Variants in ASTN2 observed in about 807,000 individuals in gnomAD.
ASTN2 encodes the protein astrotactin-2.
ASTN2 carries 54 observed loss-of-function variants against 139.8 expected under a neutral mutation model. That is an observed-to-expected ratio of 0.39 (90% CI 0.31 to 0.48). ASTN2 has a LOEUF of 0.48. Among genes scored for constraint, ASTN2 ranks in the 20% least tolerant of loss-of-function variants. The probability of loss-of-function intolerance (pLI) is 0.95; values close to 1 mark genes in which losing one functional copy is unlikely to be tolerated. For missense variants in ASTN2, 1,565 were observed against 1,725.1 expected, an observed-to-expected ratio of 0.91 and a Z score of 1.64; for synonymous variants, 756 against 719.5, an observed-to-expected ratio of 1.05 and a Z score of -0.81.
chr9:116,757,402 C>T (rs1829561457), intron 13 of ASTN2, among the ~76,000 whole-genome samples: 1 of 152,122 alleles, frequency 6.6e-6, no homozygotes, highest in Non-Finnish European at 1.5e-5. Context: ...TCACGGTGGG[C>T]ATGGGTGTCA....
chr9:117,012,328 A>G (rs1837560465), intron 6 of ASTN2, among the ~76,000 whole-genome samples: 1 of 152,158 alleles, frequency 6.6e-6, no homozygotes, highest in African/African-American at 2.4e-5. Flanking sequence ...CATGATGCAT[A>G]TGGCAAAAGT....
chr9:116,542,321 CAT>C (rs2119356368), intron 19 of ASTN2, among the ~76,000 whole-genome samples: 1 of 152,170 alleles, frequency 6.6e-6, no homozygotes, highest in South Asian at 2.1e-4. Context: ...AAAAAGGTAA[CAT>C]AAACTTTTAG....
chr9:117,307,848 C>T (rs188715644), intron 1 of ASTN2, among the ~76,000 whole-genome samples: 381 of 152,290 alleles, frequency 2.5e-3, no homozygotes, highest in Admixed American at 7.0e-3. Context: ...CTAGAGGCCA[C>T]GTTTTGCACT....
intron 20 of ASTN2, among the ~76,000 whole-genome samples, chr9:116,481,683 C>T (rs1392889409): frequency 6.6e-6 from 1 of 152,146 alleles, no homozygotes; most frequent in Non-Finnish European, 1.5e-5. Flanking sequence ...GACAAATTAT[C>T]TCCATTTTAT....
At chr9:116,687,238 A>G in intron 16 of ASTN2, 7 of 998,988 alleles carry the variant, frequency 7.0e-6, no homozygotes, top group Non-Finnish European at 8.4e-6. Context: ...GACAAGCCCC[A>G]GCATGCTGGG....
chr9:117,119,011 A>T (rs1829474941), intron 4 of ASTN2, among the ~76,000 whole-genome samples: 1 of 152,248 alleles, frequency 6.6e-6, no homozygotes, highest in African/African-American at 2.4e-5. Flanking sequence ...ACAGAAGAAT[A>T]GAACCTGCAG....
intron 19 of ASTN2, among the ~76,000 whole-genome samples, chr9:116,498,767 C>T (rs1367509103): frequency 6.6e-6 from 1 of 152,154 alleles, no homozygotes; most frequent in Non-Finnish European, 1.5e-5. Flanking sequence ...CAGGTCAGTA[C>T]TTCTGATACA....
At chr9:117,043,632 G>T (rs1838643667) in intron 5 of ASTN2, among the ~76,000 whole-genome samples, 1 of 152,102 alleles carries the variant, frequency 6.6e-6, no homozygotes, top group Non-Finnish European at 1.5e-5. Flanking sequence ...ATGATGGCTG[G>T]GCACAGTGGC....
At chr9:116,662,098 T>G (rs909703294) in intron 16 of ASTN2, among the ~76,000 whole-genome samples, 1 of 152,134 alleles carries the variant, frequency 6.6e-6, no homozygotes, top group South Asian at 2.1e-4. Flanking sequence ...TCACGTGCCA[T>G]GCCTGTGCTC....
chr9:117,258,663 C>G, intron 2 of ASTN2, among the ~76,000 whole-genome samples: 1 of 152,172 alleles, frequency 6.6e-6, no homozygotes. Context: ...AATTCTTTAG[C>G]CTTACCACCC....
Position 116,884,803 on chromosome 9 carries a change from G to GCCCCCC in ASTN2, c.1890-21076_1890-21071dup, listed in dbSNP as rs759933298. 3.3e-3 allele frequency among the ~76,000 whole-genome samples: 232 copies of GCCCCCC among 69,594 alleles called. 3 individuals are homozygous for GCCCCCC. Among genetic ancestry groups the GCCCCCC allele is most frequent in the East Asian group, 6.9e-3 (15 of 2,176 alleles). The allele number at this position is 69,594 out of a possible 152,430, so 45.7% of individuals were successfully genotyped here. Reference sequence around the variant, plus strand: ...TGTGCATGTCAATCTCCAAATATCCGCCCCCCCCCCACCCACTTTTTTTTT... The same window carrying GCCCCCC: ...TGTGCATGTCAATCTCCAAATATCCGCCCCCCCCCCCCCCCCACCCACTTTTTTTTT... On this transcript the variant is annotated intron_variant, in intron 10 of 22. Coordinates refer to ENST00000313400, the MANE Select transcript of ASTN2 (RefSeq NM_001365068.1).
At chr9:116,847,007 CA>C (rs11302692) in intron 11 of ASTN2, among the ~76,000 whole-genome samples, 19,375 of 75,792 alleles carry the variant, frequency 0.26, 1,102 homozygotes, top group Middle Eastern at 0.45. Context: ...GCTTCATTCT[CA>C]AAAAAAAAAA....
intron 1 of ASTN2, among the ~76,000 whole-genome samples, chr9:117,337,929 G>A (rs1828937951): frequency 6.6e-6 from 1 of 152,104 alleles, no homozygotes; most frequent in African/African-American, 2.4e-5. Context: ...AGCTAAGTGA[G>A]GTAACAGATG....
intron 19 of ASTN2, among the ~76,000 whole-genome samples, chr9:116,590,566 T>C (rs1854337637): frequency 6.6e-6 from 1 of 152,266 alleles, no homozygotes; most frequent in African/African-American, 2.4e-5. Flanking sequence ...GAGAGTTTCC[T>C]GTGTGGAAAG....
chr9:117,265,825 A>G (rs1015074480), intron 2 of ASTN2, among the ~76,000 whole-genome samples: 1 of 144,840 alleles, frequency 6.9e-6, no homozygotes, highest in Non-Finnish European at 1.5e-5. Flanking sequence ...AAAAAAAAAA[A>G]TCTCCTAATA....
intron 19 of ASTN2, chr9:116,546,697 G>A (rs1366126700): frequency 6.6e-6 from 1 of 152,194 alleles, no homozygotes; most frequent in East Asian, 1.9e-4. Context: ...AGTATATAAA[G>A]AGGTAAATAG....
At chr9:116,848,096 C>T (rs1832493690) in intron 11 of ASTN2, among the ~76,000 whole-genome samples, 1 of 152,096 alleles carries the variant, frequency 6.6e-6, no homozygotes, top group Non-Finnish European at 1.5e-5. Flanking sequence ...TGTTGTGTAC[C>T]CCCCATACAC....
rs1264534753 is a variant in ASTN2, at chr9:116,697,883, C to T, written c.2806+27888G>A. 5 of 1,614,190 alleles carry T rather than the reference C, an allele frequency of 3.1e-6. No individual in the cohort carries two copies. The highest frequency in any genetic ancestry group is 3.3e-5 in the Admixed American group (2 of 60,024). On this transcript the variant is annotated intron_variant, in intron 16 of 22. Coordinates refer to ENST00000313400, the MANE Select transcript of ASTN2 (RefSeq NM_001365068.1). The stretch of plus-strand genomic sequence containing the variant: ...GTGGCCATACCATCTGCCGCCAGTG[C>T]CTGGAGAAGCTATTGGCCAGTAGCA...
chr9:116,938,800 A>C (rs1294251640), intron 10 of ASTN2, among the ~76,000 whole-genome samples: 1 of 152,212 alleles, frequency 6.6e-6, no homozygotes, highest in African/African-American at 2.4e-5. Flanking sequence ...AGAATTGATT[A>C]TCTTTCTGAG....
Sources: gnomAD v4.1 joint callset for allele counts (sites outside exome capture counted in the v4.1 genomes callset) on GRCh38, gnomAD v4.1.1 for gene constraint, MANE v1.5 for transcripts, NCBI Gene and HGNC (gene_info 2026-07-23, HGNC 2026-07-21) for gene names.